The following PTPRJ variants were observed in gnomAD, a reference collection of about 807,000 sequenced individuals.
PTPRJ encodes the protein protein tyrosine phosphatase receptor type J.
PTPRJ carries 129 observed loss-of-function variants against 141.3 expected under a neutral mutation model. The observed-to-expected ratio is 0.91, with a 90% CI of 0.79 to 1.06. The LOEUF (loss-of-function observed/expected upper bound fraction) is 1.06. Ranked by LOEUF, PTPRJ falls within the 50% of genes least tolerant of loss-of-function variation. The pLI is 0.00. For synonymous variants in PTPRJ, 610 were observed against 640.5 expected, an observed-to-expected ratio of 0.95 and a Z score of 0.72; for missense variants, 1,601 against 1,679.7, an observed-to-expected ratio of 0.95 and a Z score of 0.82.
At chr11:47,988,281 G>T (rs1407429682) in intron 1 of PTPRJ, among the ~76,000 whole-genome samples, 3 of 152,080 alleles carry the variant, frequency 2.0e-5, no homozygotes, top group Non-Finnish European at 4.4e-5. Context: ...CCCCAAAAGG[G>T]AATGCACATA....
intron 1 of PTPRJ, among the ~76,000 whole-genome samples, chr11:48,085,080 C>A (rs1369168558): frequency 6.6e-6 from 1 of 152,140 alleles, no homozygotes; most frequent in African/African-American, 2.4e-5. Flanking sequence ...ATATCCACAA[C>A]TACTGAAAAG....
chr11:48,120,592 A>AT (rs999280933), intron 3 of PTPRJ, among the ~76,000 whole-genome samples: 7 of 150,514 alleles, frequency 4.7e-5, no homozygotes, highest in East Asian at 3.9e-4. Flanking sequence ...CACCCAGCTA[A>AT]TTTTTTTTTG....
chr11:48,097,633 G>A (rs1856045438), intron 1 of PTPRJ, among the ~76,000 whole-genome samples: 1 of 152,032 alleles, frequency 6.6e-6, no homozygotes, highest in Non-Finnish European at 1.5e-5. Flanking sequence ...CGCCTCCCGG[G>A]TTCAAGCAAT....
At chr11:47,993,540 A>G (rs548271628) in intron 1 of PTPRJ, among the ~76,000 whole-genome samples, 116 of 151,920 alleles carry the variant, frequency 7.6e-4, no homozygotes, top group African/African-American at 2.6e-3. Flanking sequence ...TGATCCTCCC[A>G]TCTTGGCCTC....
Position 48,147,551 on chromosome 11 carries a change from C to A in PTPRJ, c.2999+588C>A, listed in dbSNP as rs1857381637. Among the ~76,000 whole-genome samples, 3 of 152,198 alleles carry A rather than the reference C, an allele frequency of 2.0e-5. No homozygotes were observed. In the East Asian group the frequency reaches 5.8e-4, roughly 29 times the overall value. On this transcript the variant is annotated intron_variant, in intron 15 of 24. Coordinates refer to ENST00000418331, the MANE Select transcript of PTPRJ (RefSeq NM_002843.4). The stretch of plus-strand genomic sequence containing the variant: ...TGTGCTTTCTGTGAATTATCGCATG[C>A]ATGAGGCTCTGCGAGGCAGGTCCAG...
At chr11:48,073,596 G>T (rs1855320252) in intron 1 of PTPRJ, among the ~76,000 whole-genome samples, 1 of 151,764 alleles carries the variant, frequency 6.6e-6, no homozygotes, top group African/African-American at 2.4e-5. Flanking sequence ...ACTGTAACTT[G>T]AAAATTTCCA....
At chr11:48,066,554 G>GTATTATTAT (rs58097315) in intron 1 of PTPRJ, among the ~76,000 whole-genome samples, 29 of 133,856 alleles carry the variant, frequency 2.2e-4, no homozygotes, top group East Asian at 6.6e-4. Flanking sequence ...TTATCCAGTC[G>GTATTATTAT]TATTATTATT....
chr11:48,155,913 G>A (rs1590565927), intron 20 of PTPRJ, 39 bp downstream of exon 20: 2 of 1,588,394 alleles, frequency 1.3e-6, no homozygotes, highest in East Asian at 4.5e-5. Context: ...GGACTGTTTC[G>A]ATGAAATCTT....
At chr11:48,006,133 C>A (rs1174313882) in intron 1 of PTPRJ, among the ~76,000 whole-genome samples, 2 of 152,308 alleles carry the variant, frequency 1.3e-5, no homozygotes, top group East Asian at 1.9e-4. Context: ...ATGGGAGAAA[C>A]AAGACTTCGA....
At chr11:48,128,450 G>T (rs899350367) in intron 7 of PTPRJ, among the ~76,000 whole-genome samples, 1 of 152,112 alleles carries the variant, frequency 6.6e-6, no homozygotes, top group African/African-American at 2.4e-5. Context: ...ACATTATAAC[G>T]AATCACTGGC....
chr11:48,135,718 G>A (rs1857085944), intron 8 of PTPRJ, among the ~76,000 whole-genome samples: 1 of 152,128 alleles, frequency 6.6e-6, no homozygotes, highest in African/African-American at 2.4e-5. Context: ...CTGACCTCAA[G>A]TGATCCATCT....
At chr11:48,135,592 G>A (rs910078305) in intron 8 of PTPRJ, among the ~76,000 whole-genome samples, 10 of 138,500 alleles carry the variant, frequency 7.2e-5, no homozygotes, top group African/African-American at 2.8e-4. Flanking sequence ...AGCGACTCTT[G>A]TGCCCCAGCC....
At chr11:48,085,604 C>G (rs1366026731) in intron 1 of PTPRJ, among the ~76,000 whole-genome samples, 15 of 152,180 alleles carry the variant, frequency 9.9e-5, no homozygotes, top group Non-Finnish European at 2.2e-4. Flanking sequence ...CTCAGCCTCC[C>G]AAAGTGCTGG....
At chr11:48,031,225 G>T (rs979686556) in intron 1 of PTPRJ, among the ~76,000 whole-genome samples, 1 of 152,140 alleles carries the variant, frequency 6.6e-6, no homozygotes, top group Non-Finnish European at 1.5e-5. Context: ...TGGAAAAGCA[G>T]AGTCAAAGTT....
chr11:48,035,092 C>T (rs1854084774), intron 1 of PTPRJ, among the ~76,000 whole-genome samples: 1 of 152,180 alleles, frequency 6.6e-6, no homozygotes, highest in Non-Finnish European at 1.5e-5. Context: ...TCACATGTTC[C>T]TTCCCTGGTG....
At chr11:47,995,014 A>G (rs925367862) in intron 1 of PTPRJ, among the ~76,000 whole-genome samples, 5 of 152,210 alleles carry the variant, frequency 3.3e-5, no homozygotes, top group Admixed American at 2.0e-4. Flanking sequence ...TCCCCCTGCC[A>G]GTAAATATTC....
chr11:48,039,464 GGTGTGTGTGTGTGTGTGT>G (rs67338648), intron 1 of PTPRJ, among the ~76,000 whole-genome samples: 2 of 146,538 alleles, frequency 1.4e-5, no homozygotes, highest in Non-Finnish European at 3.0e-5. Context: ...ACAACACTAT[GGTGTGTGTGTGTGTGTGT>G]GTGTGTGTGT....
At chr11:48,046,979 G>A (rs1265872987) in intron 1 of PTPRJ, among the ~76,000 whole-genome samples, 1 of 137,654 alleles carries the variant, frequency 7.3e-6, no homozygotes. Flanking sequence ...GCAATGGTGT[G>A]ATCTCAGCTC....
chr11:48,167,613 TTC>T lies in PTPRJ; in HGVS notation c.*252_*253del. The stretch of plus-strand genomic sequence containing the variant: ...TGGGATGAGGTCACTTTTTTTTTTT[TTC>T]CCCCTTGAGGATTGTGGAAAACCAG... On this transcript the variant is annotated 3_prime_UTR_variant, in exon 25 of 25. Transcript: ENST00000418331. The T allele has an allele frequency of 8.6e-6, 3 of 350,574 alleles. No homozygotes were observed. Among genetic ancestry groups the T allele is most frequent in the Non-Finnish European group, 1.0e-5 (2 of 197,446 alleles). 21.7% of individuals were successfully genotyped at this position (350,574 alleles called of 1,614,324 possible). A position where few individuals can be genotyped will look rare whatever the true frequency, so the allele number is the denominator to read the frequency against.
Sources: gnomAD v4.1 joint callset for allele counts (sites outside exome capture counted in the v4.1 genomes callset) on GRCh38, gnomAD v4.1.1 for gene constraint, MANE v1.5 for transcripts, NCBI Gene and HGNC (gene_info 2026-07-23, HGNC 2026-07-21) for gene names.